Variants in CRYBA1 observed in about 807,000 individuals in gnomAD.
The protein encoded by CRYBA1 is crystallin beta A1.
In CRYBA1, 25 loss-of-function variants were observed where a neutral mutation model predicts 36.2. The observed-to-expected ratio is 0.69, with a 90% CI of 0.50 to 0.97. The LOEUF is 0.97. CRYBA1 is among the 50% of genes least tolerant of loss of function. The pLI, the probability that CRYBA1 is intolerant of heterozygous loss-of-function variation, is 0.00. For synonymous variants in CRYBA1, 111 were observed against 90.0 expected (o/e 1.23, Z -1.32); for missense variants, 224 against 276.3 (o/e 0.81, Z 1.34).
At chr17:29,253,804 G>A in intron 5 of CRYBA1, 22 bp downstream of exon 5, 1 of 1,613,934 alleles carries the variant, frequency 6.2e-7, no homozygotes, top group Non-Finnish European at 8.5e-7. Context: ...AACAGGGTTG[G>A]AATATACTTC....
chr17:29,252,660 T>C (rs1438491153), intron 4 of CRYBA1, among the ~76,000 whole-genome samples: 1 of 152,186 alleles, frequency 6.6e-6, no homozygotes, highest in Non-Finnish European at 1.5e-5. Flanking sequence ...AATCTTCTTG[T>C]TCTGAACACT....
Position 29,249,001 on chromosome 17 carries a change from G to A in CRYBA1, c.32-141G>A, listed in dbSNP as rs8080840. On this transcript the variant is annotated intron_variant, in intron 1 of 5. Transcript: ENST00000225387. The stretch of plus-strand genomic sequence containing the variant: ...AACAACAACAACAACAAACCCCGAG[G>A]CACAGCTAGTGAGCAGCAGAGCCAG... The A allele has an allele frequency of 0.12, 85,573 of 698,414 alleles. 6,407 individuals are homozygous for A. Among genetic ancestry groups the A allele is most frequent in the East Asian group, 0.31 (11,665 of 37,250 alleles). The allele number at this position is 698,414 out of a possible 1,614,324, so 43.3% of individuals were successfully genotyped here.
intron 1 of CRYBA1, among the ~76,000 whole-genome samples, chr17:29,248,366 TTC>T (rs2068914200): frequency 6.6e-6 from 1 of 151,478 alleles, no homozygotes; most frequent in Non-Finnish European, 1.5e-5. Context: ...CTTGTTTTTT[TTC>T]TTTTTTTTTT....
At chr17:29,252,321 C>A in intron 4 of CRYBA1, 116 bp downstream of exon 4, 8 of 1,412,616 alleles carry the variant, frequency 5.7e-6, no homozygotes, top group Admixed American at 4.0e-5. Context: ...GGAAAAAAGA[C>A]AAAAGTAAAA....
At position 29,250,169 on chromosome 17, in the gene CRYBA1, A is replaced by T; in HGVS notation, c.97-13A>T. 1 of 1,417,152 alleles carries T rather than the reference A, an allele frequency of 7.1e-7. No homozygotes were observed. The allele number at this position is 1,417,152 out of a possible 1,614,324, so 87.8% of individuals were successfully genotyped here. A position where few individuals can be genotyped will look rare whatever the true frequency, so the allele number is the denominator to read the frequency against. Reference sequence around the variant, plus strand: ...ATGTTCTAGCTCTCTTGCGCCATTCAATCTCATTTCAGATAACCATCTATG... The same window carrying T: ...ATGTTCTAGCTCTCTTGCGCCATTCTATCTCATTTCAGATAACCATCTATG... On this transcript the variant is annotated splice_polypyrimidine_tract_variant and intron_variant, in intron 2 of 5. Transcript: ENST00000225387.
Position 29,254,316 on chromosome 17 carries a change from G to A in CRYBA1, c.615G>A (p.Ser205=), listed in dbSNP as rs753491831. The stretch of plus-strand genomic sequence containing the variant: ...AGTGGGGCTCTCATGCCCAGACTTC[G>A]CAGATCCAATCGATTCGCCGAATCC... ...WREWGSHAQT[S]QIQSIRRIQQ Residue 205 remains serine (S), a synonymous_variant, in exon 6 of 6, where the codon TCG becomes TCA. Coordinates refer to ENST00000225387, the MANE Select transcript of CRYBA1 (RefSeq NM_005208.5). The A allele has an allele frequency of 3.5e-5, 57 of 1,613,950 alleles. No homozygotes were observed. The highest frequency in any genetic ancestry group is 4.5e-5 in the East Asian group (2 of 44,896).
At chr17:29,253,943 T>C (rs1198396264) in intron 5 of CRYBA1, among the ~76,000 whole-genome samples, 161 bp downstream of exon 5, 1 of 152,208 alleles carries the variant, frequency 6.6e-6, no homozygotes, top group Non-Finnish European at 1.5e-5. Flanking sequence ...CCACTTTAGG[T>C]TGCAGATTTA....
Position 29,254,259 on chromosome 17 carries a change from C to T in CRYBA1, c.558C>T (p.Asp186=), listed in dbSNP as rs1007251451. The change falls in exon 6 of 6, where the codon GAC becomes GAT. Residue 186 remains aspartate, a synonymous_variant. Coordinates refer to ENST00000225387, the MANE Select transcript of CRYBA1 (RefSeq NM_005208.5). ...YRGYQYILEC[D]HHGGDYKHWR... The stretch of plus-strand genomic sequence containing the variant: ...GGTATCAGTATATCTTGGAATGTGA[C>T]CATCATGGAGGAGACTATAAACATT... 8.7e-6 allele frequency: 14 copies of T among 1,613,946 alleles called. No homozygotes were observed. The highest frequency in any genetic ancestry group is 1.2e-5 in the Non-Finnish European group (14 of 1,179,998).
chr17:29,250,863 T>C (rs1298614356), intron 3 of CRYBA1, among the ~76,000 whole-genome samples: 2 of 152,232 alleles, frequency 1.3e-5, no homozygotes, highest in African/African-American at 4.8e-5. Flanking sequence ...TTTTGTCCTC[T>C]GACTCTTGGC....
intron 5 of CRYBA1, 59 bp from the exon 6 acceptor site, chr17:29,254,142 TG>T (rs1292027083): frequency 1.3e-6 from 2 of 1,578,724 alleles, no homozygotes; most frequent in Admixed American, 1.7e-5. Flanking sequence ...GCTCAGGTTT[TG>T]GGGTATTAAC....
At chr17:29,250,900 C>T (rs1041233157) in intron 3 of CRYBA1, among the ~76,000 whole-genome samples, 2 of 152,118 alleles carry the variant, frequency 1.3e-5, no homozygotes, top group African/African-American at 4.8e-5. Context: ...TTATCATTAG[C>T]CTGAAAATAC....
chr17:29,250,053 ACCT>A (rs1490648590), intron 2 of CRYBA1, 126 bp from the exon 3 acceptor site: 3 of 759,956 alleles, frequency 3.9e-6, no homozygotes, highest in Non-Finnish European at 7.3e-6. Context: ...ACTGGAAGAG[ACCT>A]CATCAGGCAT....
At chr17:29,251,801 C>CT (rs2068936977) in intron 3 of CRYBA1, among the ~76,000 whole-genome samples, 1 of 152,176 alleles carries the variant, frequency 6.6e-6, no homozygotes, top group African/African-American at 2.4e-5. Flanking sequence ...TTTAGATTGG[C>CT]TTTGCTAATA....
chr17:29,250,609 C>G (rs1421447164), intron 3 of CRYBA1, among the ~76,000 whole-genome samples: 1 of 152,092 alleles, frequency 6.6e-6, no homozygotes, highest in Admixed American at 6.5e-5. Context: ...AGGGTGCCCT[C>G]AGAACAGCCA....
chr17:29,246,913 G>A lies in CRYBA1; in HGVS notation c.31+19G>A, dbSNP rs748920321. 5 of 1,605,872 alleles carry A rather than the reference G, an allele frequency of 3.1e-6. No individual in the cohort carries two copies. In the African/African-American group the frequency reaches 6.7e-5, roughly 21 times the overall value. ...GAGCTGGGTGAGTAAGGCCCTCAGGGTGCCCTTGCCCTTCCTCTCCTTGCC... is the reference window on the plus strand; with the variant it reads ...GAGCTGGGTGAGTAAGGCCCTCAGGATGCCCTTGCCCTTCCTCTCCTTGCC... On this transcript the variant is annotated intron_variant, in intron 1 of 5. Coordinates refer to ENST00000225387, the MANE Select transcript of CRYBA1 (RefSeq NM_005208.5).
intron 3 of CRYBA1, among the ~76,000 whole-genome samples, chr17:29,251,853 A>G (rs1217444752): frequency 6.6e-6 from 1 of 152,174 alleles, no homozygotes; most frequent in Non-Finnish European, 1.5e-5. Context: ...CTTTTCAGTG[A>G]TAACCCCCAA....
At chr17:29,249,311 CCA>C (rs2068921389) in intron 2 of CRYBA1, 105 bp downstream of exon 2, 6 of 799,388 alleles carry the variant, frequency 7.5e-6, no homozygotes, top group South Asian at 2.8e-5. Flanking sequence ...CAGAAAAACC[CCA>C]GTTTGTAGGG....
At chr17:29,252,248 G>A in intron 4 of CRYBA1, 43 bp downstream of exon 4, 1 of 1,612,394 alleles carries the variant, frequency 6.2e-7, no homozygotes, top group Middle Eastern at 1.8e-4. Flanking sequence ...TGAGGGATGG[G>A]ACAAGAGGGT....
chr17:29,254,452 T>C lies in CRYBA1; in HGVS notation c.*103T>C, dbSNP rs1160565921. The C allele has an allele frequency of 1.6e-6, 2 of 1,271,696 alleles. No individual in the cohort carries two copies. Among genetic ancestry groups the C allele is most frequent in the Admixed American group, 1.7e-5 (1 of 57,330 alleles). 78.8% of individuals were successfully genotyped at this position (1,271,696 alleles called of 1,614,324 possible). On this transcript the variant is annotated 3_prime_UTR_variant, in exon 6 of 6. Transcript: ENST00000225387. ...GCTCACAGACATTGCTTTCAAATGT[T>C]AGCTGCTGAAATCCACAATAAACGT...
Sources: allele counts gnomAD v4.1 joint callset (sites outside exome capture counted in the v4.1 genomes callset), GRCh38; gene constraint gnomAD v4.1.1; transcripts MANE v1.5; gene names NCBI Gene and HGNC (gene_info 2026-07-23, HGNC 2026-07-21).